ABCA13: variants seen among roughly 807,000 people sequenced by gnomAD.
The protein encoded by ABCA13 is ATP binding cassette subfamily A member 13, also known as ATP-binding cassette sub-family A member 13.
A neutral mutation model predicts 478.7 loss-of-function variants in ABCA13; 476 were observed. The ratio of observed to expected loss-of-function variants is 0.99; its 90% CI spans 0.92 to 1.07. ABCA13 has a LOEUF of 1.07. ABCA13 is among the 50% of genes least tolerant of loss of function. The pLI, the probability that ABCA13 is intolerant of heterozygous loss-of-function variation, is 0.00. For missense variants in ABCA13, 6,060 were observed against 5,910.6 expected (o/e 1.03, Z -0.83); for synonymous variants, 2,252 against 2,158.9 (o/e 1.04, Z -1.20).
chr7:48,319,961 T>G (rs1387554751), intron 27 of ABCA13, among the ~76,000 whole-genome samples: 1 of 152,058 alleles, frequency 6.6e-6, no homozygotes. Context: ...CCCTGAACAC[T>G]TGTACCCCTC....
rs758264366 is a variant in ABCA13 at position 48,580,372 on chromosome 7, G to C, written c.14503G>C (p.Glu4835Gln). The C allele has an allele frequency of 3.1e-6, 5 of 1,611,196 alleles. No homozygotes were observed. In the Admixed American group the frequency reaches 8.4e-5, roughly 27 times the overall value. ...CGGGATTCCAAGGCAGTGCATCCCT[G>C]AGGTAAATCTCCCTGGGGTCTTCTA... ...LRGIPRQCIP[E>Q]VAGDLIRRLH... Residue 4835 changes from glutamate (E) to glutamine (Q), a missense_variant and splice_region_variant, in exon 56 of 62, where the codon GAG becomes CAG. Glu to Gln is a conservative substitution (Grantham distance 29). Around this residue, in one of 3 missense-constraint regions of ABCA13, gnomAD observed 1,627 missense variants for 1,571.0 expected, o/e 1.04. Transcript: ENST00000435803.
intron 3 of ABCA13, among the ~76,000 whole-genome samples, chr7:48,211,114 A>G (rs1000566364): frequency 6.6e-6 from 1 of 152,086 alleles, no homozygotes; most frequent in Non-Finnish European, 1.5e-5. Flanking sequence ...TTGGTCACTG[A>G]TTACTTAGTT....
At chr7:48,338,693 T>C (rs1191744818) in intron 29 of ABCA13, among the ~76,000 whole-genome samples, 1 of 152,236 alleles carries the variant, frequency 6.6e-6, no homozygotes, top group Non-Finnish European at 1.5e-5. Flanking sequence ...GTAAAGAACC[T>C]AGTTAAAAAG....
chr7:48,623,568 C>T (rs1793364097), intron 59 of ABCA13, among the ~76,000 whole-genome samples: 1 of 152,154 alleles, frequency 6.6e-6, no homozygotes, highest in Admixed American at 6.5e-5. Context: ...TGGTTATTGG[C>T]ATTCCTTAAG....
chr7:48,237,286 T>C (rs963483734), intron 8 of ABCA13, among the ~76,000 whole-genome samples: 88 of 152,154 alleles, frequency 5.8e-4, no homozygotes, highest in Admixed American at 1.4e-3. Flanking sequence ...ATCATTTAGC[T>C]ACACCTACAT....
intron 40 of ABCA13, among the ~76,000 whole-genome samples, chr7:48,411,031 CTTT>C (rs1563208482): frequency 1.2e-4 from 14 of 115,890 alleles, no homozygotes; most frequent in Admixed American, 1.9e-4. Flanking sequence ...TTCTTTCTTT[CTTT>C]CTTTCTTTCT....
At chr7:48,631,674 T>C (rs1794177652) in intron 59 of ABCA13, among the ~76,000 whole-genome samples, 1 of 151,658 alleles carries the variant, frequency 6.6e-6, no homozygotes, top group Admixed American at 6.6e-5. Context: ...TCCATATGAG[T>C]TTTAGAATAG....
Position 48,279,715 on chromosome 7 carries a change from A to G in ABCA13, c.8521A>G (p.Thr2841Ala). 1.2e-6 allele frequency: 2 copies of G among 1,613,660 alleles called. No individual in the cohort carries two copies. The highest frequency in any genetic ancestry group is 1.7e-6 in the Non-Finnish European group (2 of 1,179,754). Reference sequence around the variant, plus strand: ...TAACAACTCTGAATGGATAACTTCCACAAGAACTTTGTTTCAGCCACTTTT... The same window carrying G: ...TAACAACTCTGAATGGATAACTTCCGCAAGAACTTTGTTTCAGCCACTTTT... ...LFNNSEWITS[T>A]RTLFQPLFEI... Residue 2841 changes from threonine (T) to alanine (A), a missense_variant, in exon 18 of 62, where the codon ACA becomes GCA. Thr to Ala is a moderately conservative substitution (Grantham distance 58, BLOSUM62 0). Transcript: ENST00000435803.
chr7:48,508,339 A>G (rs1459168144), intron 50 of ABCA13, among the ~76,000 whole-genome samples: 1 of 152,180 alleles, frequency 6.6e-6, no homozygotes, highest in Non-Finnish European at 1.5e-5. Flanking sequence ...TACCTTTACT[A>G]TGCTCTTTTC....
intron 42 of ABCA13, among the ~76,000 whole-genome samples, chr7:48,446,245 G>A (rs557369092): frequency 1.1e-4 from 16 of 152,074 alleles, no homozygotes; most frequent in African/African-American, 3.6e-4. Flanking sequence ...GATTTAGATG[G>A]TCTGTGGCCA....
chr7:48,456,681 C>T (rs902092251), intron 43 of ABCA13, among the ~76,000 whole-genome samples: 1 of 152,174 alleles, frequency 6.6e-6, no homozygotes, highest in Non-Finnish European at 1.5e-5. Flanking sequence ...TAAATCAGTA[C>T]AACCACTTTA....
chr7:48,218,688 G>T lies in ABCA13; in HGVS notation c.288-666G>T, dbSNP rs368010449. Among the ~76,000 whole-genome samples the T allele has an allele frequency of 3.3e-5, 5 of 152,288 alleles. No homozygotes were observed. In the East Asian group the frequency reaches 5.8e-4, roughly 18 times the overall value. On this transcript the variant is annotated intron_variant, in intron 3 of 61. Transcript: ENST00000435803. Reference sequence around the variant, plus strand: ...TGCTTGCTTTTAGCAAATTCACTTTGATTGTCTGGGCCACATTTCCTCATC... The same window carrying T: ...TGCTTGCTTTTAGCAAATTCACTTTTATTGTCTGGGCCACATTTCCTCATC...
chr7:48,363,580 T>C (rs1312506725), intron 31 of ABCA13, among the ~76,000 whole-genome samples: 1 of 152,096 alleles, frequency 6.6e-6, no homozygotes, highest in East Asian at 1.9e-4. Flanking sequence ...GCGTTTCTTT[T>C]CCCTGTGTTT....
At chr7:48,246,821 CAGT>C (rs1200205657) in intron 13 of ABCA13, among the ~76,000 whole-genome samples, 1 of 152,118 alleles carries the variant, frequency 6.6e-6, no homozygotes, top group African/African-American at 2.4e-5. Flanking sequence ...GGGCAAACAA[CAGT>C]GAGAGCCTTG....
chr7:48,330,534 T>C (rs557055301), intron 27 of ABCA13, among the ~76,000 whole-genome samples: 1 of 150,664 alleles, frequency 6.6e-6, no homozygotes, highest in South Asian at 2.1e-4. Flanking sequence ...TATCCATCTA[T>C]CCATTTATCC....
intron 1 of ABCA13, among the ~76,000 whole-genome samples, chr7:48,188,093 T>C (rs555633389): frequency 2.4e-4 from 36 of 152,258 alleles, no homozygotes; most frequent in African/African-American, 8.2e-4. Flanking sequence ...TCCTGTATGC[T>C]CTAATCATCT....
intron 3 of ABCA13, among the ~76,000 whole-genome samples, chr7:48,207,566 G>A (rs1261033458): frequency 6.6e-6 from 1 of 151,968 alleles, no homozygotes; most frequent in Non-Finnish European, 1.5e-5. Flanking sequence ...TTAAGCAAGT[G>A]TTCATGTCCT....
chr7:48,322,543 T>A (rs536204583), intron 27 of ABCA13, among the ~76,000 whole-genome samples: 1 of 152,170 alleles, frequency 6.6e-6, no homozygotes, highest in South Asian at 2.1e-4. Context: ...TGTCTCTCCC[T>A]GTTCCCACTC....
chr7:48,501,599 G>T (rs1830751277), intron 48 of ABCA13, among the ~76,000 whole-genome samples: 1 of 152,142 alleles, frequency 6.6e-6, no homozygotes, highest in Non-Finnish European at 1.5e-5. Flanking sequence ...GTTTGTGGGG[G>T]TTCAGGTATT....
Sources: gnomAD v4.1 joint callset for allele counts (sites outside exome capture counted in the v4.1 genomes callset) on GRCh38, gnomAD v4.1.1 for gene constraint, gnomAD v4.1.1 regional missense constraint, MANE v1.5 for transcripts, NCBI Gene and HGNC (gene_info 2026-07-23, HGNC 2026-07-21) for gene names.